Variants in ELMO1 observed in about 807,000 individuals in gnomAD.
ELMO1 encodes the protein engulfment and cell motility protein 1.
In ELMO1, 26 loss-of-function variants were observed where a neutral mutation model predicts 98.9. That is an observed-to-expected ratio of 0.26 (90% CI 0.19 to 0.36). ELMO1 has a LOEUF of 0.36. Among genes scored for constraint, ELMO1 ranks in the 10% least tolerant of loss-of-function variants. The pLI, the probability that ELMO1 is intolerant of heterozygous loss-of-function variation, is 1.00. For missense variants in ELMO1, 627 were observed against 935.2 expected (o/e 0.67, Z 4.30); for synonymous variants, 346 against 346.0 (o/e 1.00, Z 0.00).
intron 2 of ELMO1, among the ~76,000 whole-genome samples, chr7:37,316,788 G>C (rs868415869): frequency 3.3e-5 from 5 of 152,156 alleles, no homozygotes; most frequent in South Asian, 2.1e-4. Flanking sequence ...TGAGAAATCA[G>C]AGATGGACAA....
chr7:37,039,990 C>T (rs1245993673), intron 15 of ELMO1, among the ~76,000 whole-genome samples: 1 of 152,038 alleles, frequency 6.6e-6, no homozygotes, highest in African/African-American at 2.4e-5. Context: ...CAGTATATTA[C>T]AATGTTGTCC....
intron 14 of ELMO1, among the ~76,000 whole-genome samples, chr7:37,130,815 C>T: frequency 6.6e-6 from 1 of 151,264 alleles, no homozygotes; most frequent in Non-Finnish European, 1.5e-5. Context: ...ATCTGACTGG[C>T]AAAGAGAGTG....
At chr7:36,879,127 T>C (rs1804215793) in intron 18 of ELMO1, among the ~76,000 whole-genome samples, 2 of 152,344 alleles carry the variant, frequency 1.3e-5, no homozygotes, top group South Asian at 2.1e-4. Flanking sequence ...GAGGGTGTAT[T>C]GTGAACAATT....
intron 7 of ELMO1, among the ~76,000 whole-genome samples, chr7:37,238,265 G>C (rs1482708875): frequency 1.3e-5 from 2 of 152,030 alleles, no homozygotes; most frequent in Non-Finnish European, 2.9e-5. Context: ...GATATTGCAT[G>C]TCTATCGATG....
At chr7:36,989,338 C>T (rs1427334269) in intron 16 of ELMO1, among the ~76,000 whole-genome samples, 1 of 152,158 alleles carries the variant, frequency 6.6e-6, no homozygotes. Context: ...TAAGTGTGAT[C>T]CACAAGGATC....
intron 1 of ELMO1, among the ~76,000 whole-genome samples, chr7:37,345,359 G>GAAT (rs1281929374): frequency 6.6e-6 from 1 of 152,068 alleles, no homozygotes; most frequent in East Asian, 1.9e-4. Flanking sequence ...GGAGGGGCAG[G>GAAT]AATACAATTT....
intron 6 of ELMO1, among the ~76,000 whole-genome samples, chr7:37,245,303 C>G (rs1794944704): frequency 6.6e-6 from 1 of 152,124 alleles, no homozygotes; most frequent in Admixed American, 6.5e-5. Context: ...CTTCTAGCTG[C>G]TTGAGGGCTA....
intron 1 of ELMO1, among the ~76,000 whole-genome samples, chr7:37,442,904 G>T (rs1291142477): frequency 1.3e-5 from 2 of 152,236 alleles, no homozygotes; most frequent in African/African-American, 4.8e-5. Context: ...TCATGGTGCA[G>T]GAGAAAGAAA....
At chr7:37,321,544 C>G (rs1290597837) in intron 2 of ELMO1, among the ~76,000 whole-genome samples, 2 of 151,412 alleles carry the variant, frequency 1.3e-5, no homozygotes, top group Non-Finnish European at 2.9e-5. Context: ...GTTGAAACCC[C>G]GTCTCTACTA....
At chr7:36,927,960 A>C (rs1254730270) in intron 16 of ELMO1, among the ~76,000 whole-genome samples, 9 of 152,236 alleles carry the variant, frequency 5.9e-5, no homozygotes, top group Non-Finnish European at 1.3e-4. Flanking sequence ...CCTTGGATTT[A>C]ATCTTAATAA....
intron 6 of ELMO1, among the ~76,000 whole-genome samples, chr7:37,245,984 A>C (rs1446609222): frequency 1.3e-5 from 2 of 152,184 alleles, no homozygotes; most frequent in East Asian, 3.8e-4. Flanking sequence ...ATGTTGAAAC[A>C]CCAGATCTCT....
At chr7:36,988,011 G>A (rs1291582661) in intron 16 of ELMO1, among the ~76,000 whole-genome samples, 1 of 152,170 alleles carries the variant, frequency 6.6e-6, no homozygotes, top group East Asian at 1.9e-4. Context: ...ATCCACCTTG[G>A]CCTCCCAAAG....
intron 1 of ELMO1, among the ~76,000 whole-genome samples, chr7:37,370,215 C>T (rs1802062959): frequency 6.6e-6 from 1 of 152,194 alleles, no homozygotes; most frequent in South Asian, 2.1e-4. Flanking sequence ...CTTCCTGTAA[C>T]TTGTCTGCAG....
chr7:37,137,255 A>G (rs1334071452), intron 13 of ELMO1, among the ~76,000 whole-genome samples: 1 of 152,178 alleles, frequency 6.6e-6, no homozygotes, highest in Non-Finnish European at 1.5e-5. Flanking sequence ...CTAACACTGG[A>G]TCTCCCAAAT....
chr7:37,238,736 A>C (rs1794604552), intron 7 of ELMO1, among the ~76,000 whole-genome samples: 1 of 152,182 alleles, frequency 6.6e-6, no homozygotes, highest in African/African-American at 2.4e-5. Context: ...TAGCTTGCTG[A>C]GAATTTTTAT....
At chr7:37,005,107 CAAAAAAAAAAAAAA>C (rs35665315) in intron 16 of ELMO1, among the ~76,000 whole-genome samples, 1 of 38,286 alleles carries the variant, frequency 2.6e-5, no homozygotes, top group Non-Finnish European at 6.2e-5. Context: ...GGCTCTGTCT[CAAAAAAAAAAAAAA>C]AAAAAAAAAA....
chr7:37,146,631 C>T (rs1363075747), intron 13 of ELMO1, among the ~76,000 whole-genome samples: 7 of 152,276 alleles, frequency 4.6e-5, no homozygotes, highest in Non-Finnish European at 1.0e-4. Context: ...TCCCAAAGAT[C>T]CTTACAAGTA....
intron 18 of ELMO1, among the ~76,000 whole-genome samples, chr7:36,882,681 G>A (rs17332226): frequency 0.062 from 9,422 of 152,238 alleles, 377 homozygotes; most frequent in South Asian, 0.17. Context: ...TGGCCTAATT[G>A]TAAAAACTTC....
chr7:36,968,752 G>A (rs1213291755), intron 16 of ELMO1, among the ~76,000 whole-genome samples: 5 of 151,720 alleles, frequency 3.3e-5, no homozygotes, highest in Non-Finnish European at 7.4e-5. Flanking sequence ...TTATTTTCTA[G>A]TTTATTGCCT....
Sources: gnomAD v4.1 joint callset for allele counts (sites outside exome capture counted in the v4.1 genomes callset) on GRCh38, gnomAD v4.1.1 for gene constraint, MANE v1.5 for transcripts, NCBI Gene and HGNC (gene_info 2026-07-23, HGNC 2026-07-21) for gene names.